NEK6: variants seen among roughly 807,000 people sequenced by gnomAD.
NEK6 encodes the protein NIMA related kinase 6, also known as serine/threonine-protein kinase Nek6.
Under a neutral mutation model 43.5 loss-of-function variants are expected in NEK6, and 27 were observed. The observed-to-expected ratio is 0.62, with a 90% confidence interval of 0.46 to 0.86. NEK6 has a LOEUF of 0.86. Among genes scored for constraint, NEK6 ranks in the 40% least tolerant of loss-of-function variants. NEK6 has a pLI of 0.00. For synonymous variants in NEK6, 167 were observed against 164.1 expected (o/e 1.02, Z -0.14); for missense variants, 318 against 414.4 (o/e 0.77, Z 2.02).
intron 3 of NEK6, among the ~76,000 whole-genome samples, chr9:124,312,988 G>C (rs866613850): frequency 6.6e-6 from 1 of 152,024 alleles, no homozygotes; most frequent in Non-Finnish European, 1.5e-5. Flanking sequence ...CATGAGTCTT[G>C]GGGGAGCTGA....
intron 5 of NEK6, among the ~76,000 whole-genome samples, chr9:124,322,597 C>T (rs1834125648): frequency 6.6e-6 from 1 of 152,248 alleles, no homozygotes; most frequent in Non-Finnish European, 1.5e-5. Context: ...GCCCCTACTC[C>T]ACTGCTCCTT....
In NEK6 at chr9:124,351,861, T is replaced by TGACA. The variant is rs776253800; in HGVS notation, c.*921_*924dup. 4 of 152,470 alleles carry TGACA rather than the reference T, an allele frequency of 2.6e-5. No individual in the cohort carries two copies. The highest frequency in any genetic ancestry group is 9.6e-5 in the African/African-American group (4 of 41,572). The allele number at this position is 152,470 out of a possible 1,614,324, so 9.4% of individuals were successfully genotyped here. A position where few individuals can be genotyped will look rare whatever the true frequency, so the allele number is the denominator to read the frequency against. On this transcript the variant is annotated 3_prime_UTR_variant, in exon 10 of 10. Coordinates refer to ENST00000320246, the MANE Select transcript of NEK6 (RefSeq NM_014397.6). ...ACCTATCATCTACCTTCAGGATTGCTGACAGACAGAATTTGAAATAAAATA... is the reference window on the plus strand; with the variant it reads ...ACCTATCATCTACCTTCAGGATTGCTGACAGACAGACAGAATTTGAAATAAAATA...
chr9:124,344,543 G>C (rs760047526), intron 8 of NEK6, among the ~76,000 whole-genome samples: 42 of 152,364 alleles, frequency 2.8e-4, no homozygotes, highest in Non-Finnish European at 5.6e-4. Flanking sequence ...CAGGCCAGGC[G>C]GTGGGGAGCC....
chr9:124,324,061 G>A lies in NEK6; in HGVS notation c.406-2269G>A, dbSNP rs1050999261. ...CCCCCCACTGTCCCTGCCTGCTCCCGTTCCCTCCAACCCGGCTCAGGGGCC... is the reference window on the plus strand; with the variant it reads ...CCCCCCACTGTCCCTGCCTGCTCCCATTCCCTCCAACCCGGCTCAGGGGCC... On this transcript the variant is annotated intron_variant, in intron 5 of 9. Coordinates refer to ENST00000320246, the MANE Select transcript of NEK6 (RefSeq NM_014397.6). The surrounding 1 kb of genome is among the most constrained non-coding windows in gnomAD (Gnocchi z 5.3). 1.5e-4 allele frequency among the ~76,000 whole-genome samples: 23 copies of A among 151,634 alleles called. No homozygotes were observed. Among genetic ancestry groups the A allele is most frequent in the African/African-American group, 3.4e-4 (14 of 41,232 alleles).
chr9:124,341,075 T>G (rs1444155874), intron 8 of NEK6, among the ~76,000 whole-genome samples: 5 of 152,198 alleles, frequency 3.3e-5, no homozygotes, highest in Non-Finnish European at 5.9e-5. Flanking sequence ...AGAGTCTCAC[T>G]CTTGTCGCCC....
intron 1 of NEK6, among the ~76,000 whole-genome samples, chr9:124,264,250 G>T (rs932453530): frequency 3.3e-5 from 5 of 152,236 alleles, no homozygotes; most frequent in Admixed American, 6.5e-5. Flanking sequence ...TTCTCTGCCA[G>T]CTCGTCACAC....
At chr9:124,325,350 G>A (rs1223315118) in intron 5 of NEK6, among the ~76,000 whole-genome samples, 1 of 152,230 alleles carries the variant, frequency 6.6e-6, no homozygotes, top group Non-Finnish European at 1.5e-5. Context: ...TGGTCTGAAA[G>A]TGCTGGCCCA....
chr9:124,287,761 G>T (rs374987956), intron 1 of NEK6, among the ~76,000 whole-genome samples: 2 of 152,054 alleles, frequency 1.3e-5, no homozygotes, highest in East Asian at 1.9e-4. Flanking sequence ...GGAGGTGGAG[G>T]TTACAGTGAG....
intron 1 of NEK6, among the ~76,000 whole-genome samples, chr9:124,289,014 C>T (rs1223167045): frequency 6.6e-6 from 1 of 152,064 alleles, no homozygotes; most frequent in Non-Finnish European, 1.5e-5. Flanking sequence ...GAGGGTCTTG[C>T]TCTTTCACCC....
At chr9:124,292,217 C>A in intron 1 of NEK6, 1 of 1,247,832 alleles carries the variant, frequency 8.0e-7, no homozygotes, top group Non-Finnish European at 1.1e-6. Flanking sequence ...CCTGGCTGCA[C>A]CTCTGCCACC....
At chr9:124,347,313 C>T (rs1328968122) in intron 8 of NEK6, among the ~76,000 whole-genome samples, 5 of 151,978 alleles carry the variant, frequency 3.3e-5, no homozygotes, top group Non-Finnish European at 4.4e-5. Context: ...GGCACAGAGA[C>T]CTGCCCCTGC....
intron 7 of NEK6, among the ~76,000 whole-genome samples, chr9:124,329,756 T>C (rs1270644681): frequency 6.6e-6 from 1 of 152,238 alleles, no homozygotes; most frequent in Non-Finnish European, 1.5e-5. Flanking sequence ...CCAGGACCTG[T>C]ATCTCCAAGA....
At chr9:124,327,572 G>A (rs1438412903) in intron 7 of NEK6, 127 bp downstream of exon 7, 3 of 749,316 alleles carry the variant, frequency 4.0e-6, no homozygotes, top group African/African-American at 3.4e-5. Flanking sequence ...TAAGCCCCAG[G>A]GTTTTCTCAT....
Position 124,258,055 on chromosome 9 carries a change from C to A in NEK6, c.-60C>A. 1.0e-6 allele frequency: 1 copy of A among 979,286 alleles called. No homozygotes were observed. Among genetic ancestry groups the A allele is most frequent in the African/African-American group, 1.8e-5 (1 of 56,730 alleles). The allele number at this position is 979,286 out of a possible 1,614,324, so 60.7% of individuals were successfully genotyped here. On this transcript the variant is annotated 5_prime_UTR_variant, in exon 1 of 10. Transcript: ENST00000320246. Reference sequence around the variant, plus strand: ...CGCCCGCGGGCCAGCGCACCGGTCCCCCAGCGGCAGCCGAGCCCGCCCGCG... The same window carrying A: ...CGCCCGCGGGCCAGCGCACCGGTCCACCAGCGGCAGCCGAGCCCGCCCGCG...
chr9:124,351,099 G>A lies in NEK6; in HGVS notation c.*152G>A, dbSNP rs749190886. 5.1e-5 allele frequency: 30 copies of A among 594,002 alleles called. No homozygotes were observed. Among genetic ancestry groups the A allele is most frequent in the Non-Finnish European group, 8.4e-5 (28 of 331,938 alleles). The allele number at this position is 594,002 out of a possible 1,614,324, so 36.8% of individuals were successfully genotyped here. A position where few individuals can be genotyped will look rare whatever the true frequency, so the allele number is the denominator to read the frequency against. The stretch of plus-strand genomic sequence containing the variant: ...GCTGCCCAGCCTTACAGCAGATGCT[G>A]AAGGCAGAGCAGCTGAGGGAGGGGC... On this transcript the variant is annotated 3_prime_UTR_variant, in exon 10 of 10. Coordinates refer to ENST00000320246, the MANE Select transcript of NEK6 (RefSeq NM_014397.6).
chr9:124,274,296 G>A (rs1391744302), intron 1 of NEK6, among the ~76,000 whole-genome samples: 1 of 152,260 alleles, frequency 6.6e-6, no homozygotes, highest in Non-Finnish European at 1.5e-5. Flanking sequence ...AACGGGGCTT[G>A]ACACCTGTGT....
intron 1 of NEK6, among the ~76,000 whole-genome samples, chr9:124,258,890 C>CGAG (rs1251594506): frequency 1.3e-5 from 2 of 152,248 alleles, no homozygotes; most frequent in Non-Finnish European, 2.9e-5. Flanking sequence ...GCCGGGCACC[C>CGAG]GAGGACGTGT....
intron 9 of NEK6, 111 bp downstream of exon 9, chr9:124,347,933 G>A (rs1830033368): frequency 1.5e-5 from 9 of 612,162 alleles, no homozygotes; most frequent in South Asian, 1.4e-4. Flanking sequence ...CACTTTACAC[G>A]GTGCAGAAAG....
At chr9:124,292,196 A>G in intron 1 of NEK6, 1 of 1,257,472 alleles carries the variant, frequency 8.0e-7, no homozygotes, top group Non-Finnish European at 1.0e-6. Context: ...CTGGAGCTCC[A>G]GGGACCTTGA....
Sources: gnomAD v4.1 joint callset for allele counts (sites outside exome capture counted in the v4.1 genomes callset) on GRCh38, gnomAD v4.1.1 for gene constraint, Gnocchi (gnomAD v3.1) non-coding constraint, MANE v1.5 for transcripts, NCBI Gene and HGNC (gene_info 2026-07-23, HGNC 2026-07-21) for gene names.